The following RETREG1 variants were observed in gnomAD, a reference collection of about 807,000 sequenced individuals.
RETREG1 encodes family with sequence similarity 134 member B.
A neutral mutation model predicts 54.8 loss-of-function variants in RETREG1; 44 were observed. The observed-to-expected ratio is 0.80, with a 90% CI of 0.63 to 1.03. The LOEUF is 1.03. Ranked by LOEUF, RETREG1 falls within the 50% of genes least tolerant of loss-of-function variation. The pLI is 0.00. For synonymous variants in RETREG1, 217 were observed against 238.5 expected (o/e 0.91, Z 0.83); for missense variants, 554 against 605.1 (o/e 0.92, Z 0.89).
intron 1 of RETREG1, among the ~76,000 whole-genome samples, chr5:16,589,961 G>A (rs1336972149): frequency 6.6e-6 from 1 of 152,178 alleles, no homozygotes; most frequent in Non-Finnish European, 1.5e-5. Context: ...ATGGGTCAAA[G>A]TAAAAGAAGA....
intron 1 of RETREG1, among the ~76,000 whole-genome samples, chr5:16,600,202 T>C (rs968861937): frequency 6.6e-6 from 1 of 152,204 alleles, no homozygotes; most frequent in African/African-American, 2.4e-5. Flanking sequence ...GGTTTCGCCA[T>C]GTTGGCCAGG....
At position 16,478,989 on chromosome 5, in the gene RETREG1, T is replaced by C; in HGVS notation, c.671-2A>G. ...ATGGACACAAAAATGCACACAGTAC[T>C]GAAAGAAGAAAGAGAGCAGAGGTAA... On this transcript the variant is annotated splice_acceptor_variant, in intron 5 of 8. Coordinates refer to ENST00000306320, the MANE Select transcript of RETREG1 (RefSeq NM_001034850.3). LOFTEE classifies it high-confidence loss of function. The C allele has an allele frequency of 6.2e-7, 1 of 1,611,522 alleles. No individual in the cohort carries two copies. Among genetic ancestry groups the C allele is most frequent in the East Asian group, 2.2e-5 (1 of 44,716 alleles).
intron 2 of RETREG1, among the ~76,000 whole-genome samples, chr5:16,571,644 G>A (rs1041549066): frequency 2.6e-5 from 4 of 151,928 alleles, no homozygotes; most frequent in Admixed American, 6.6e-5. Flanking sequence ...CTTCATTGAG[G>A]CAGAGAAAAT....
intron 1 of RETREG1, among the ~76,000 whole-genome samples, chr5:16,601,130 G>A (rs1453651896): frequency 6.6e-6 from 1 of 152,138 alleles, no homozygotes; most frequent in Non-Finnish European, 1.5e-5. Flanking sequence ...GACTCAGGAG[G>A]TGGAGGCCAG....
At chr5:16,501,959 CTTT>C (rs34047511) in intron 3 of RETREG1, among the ~76,000 whole-genome samples, 6 of 136,572 alleles carry the variant, frequency 4.4e-5, no homozygotes, top group Non-Finnish European at 4.8e-5. Context: ...ATTAAGTAAG[CTTT>C]TTTTTTTTTT....
intron 8 of RETREG1, among the ~76,000 whole-genome samples, chr5:16,476,498 A>G (rs1470813226): frequency 6.6e-6 from 1 of 152,162 alleles, no homozygotes; most frequent in East Asian, 1.9e-4. Context: ...TTTTAATTGT[A>G]CTTATTATAA....
At position 16,482,753 on chromosome 5, in the gene RETREG1, C is replaced by T. The variant is rs565309562; in HGVS notation, c.585+593G>A. ...GATCAGAATTAAAGCTGCCTTTATG[C>T]ATAAAATAATACAAGTATGTGCAGC... is the stretch of plus-strand genomic sequence containing the variant. On this transcript the variant is annotated intron_variant, in intron 4 of 8. Coordinates refer to ENST00000306320, the MANE Select transcript of RETREG1 (RefSeq NM_001034850.3). Among the ~76,000 whole-genome samples, 7 of 152,188 alleles carry T rather than the reference C, an allele frequency of 4.6e-5. 1 individual carries two copies. In the South Asian group the frequency reaches 1.4e-3, roughly 31 times the overall value.
At chr5:16,512,804 G>A (rs1218852524) in intron 3 of RETREG1, among the ~76,000 whole-genome samples, 2 of 152,130 alleles carry the variant, frequency 1.3e-5, no homozygotes, top group Non-Finnish European at 2.9e-5. Context: ...TCTCAGACTT[G>A]TTGGAGCCAA....
intron 1 of RETREG1, among the ~76,000 whole-genome samples, chr5:16,598,164 CA>C (rs1010766716): frequency 6.6e-6 from 1 of 152,186 alleles, no homozygotes; most frequent in African/African-American, 2.4e-5. Flanking sequence ...GGGCTTGGAA[CA>C]AATCCTTCCC....
intron 3 of RETREG1, among the ~76,000 whole-genome samples, chr5:16,543,830 C>T (rs529633179): frequency 4.6e-5 from 7 of 152,202 alleles, no homozygotes; most frequent in African/African-American, 7.2e-5. Flanking sequence ...CCATTCAAAT[C>T]GGCATAGTGG....
Position 16,473,856 on chromosome 5 carries a change from A to T in RETREG1, c.*885T>A, listed in dbSNP as rs1738409095. 1 of 152,182 alleles carries T rather than the reference A, an allele frequency of 6.6e-6. No homozygotes were observed. The highest frequency in any genetic ancestry group is 2.4e-5 in the African/African-American group (1 of 41,462). 9.4% of individuals were successfully genotyped at this position (152,182 alleles called of 1,614,324 possible). A position where few individuals can be genotyped will look rare whatever the true frequency, so the allele number is the denominator to read the frequency against. The stretch of plus-strand genomic sequence containing the variant: ...ATGATCACATCACTCATCAAGAACT[A>T]GTTTCACAATTTTAGGAGACTTTTT... On this transcript the variant is annotated 3_prime_UTR_variant, in exon 9 of 9. Transcript: ENST00000306320.
At chr5:16,477,035 C>T (rs1246609873) in intron 8 of RETREG1, among the ~76,000 whole-genome samples, 1 of 152,100 alleles carries the variant, frequency 6.6e-6, no homozygotes, top group African/African-American at 2.4e-5. Flanking sequence ...GAGGACTAGG[C>T]CTAAATGTGT....
At chr5:16,580,715 C>CAT (rs1313256350) in intron 1 of RETREG1, among the ~76,000 whole-genome samples, 1 of 152,142 alleles carries the variant, frequency 6.6e-6, no homozygotes, top group African/African-American at 2.4e-5. Context: ...CCCAGAAGAC[C>CAT]ATGAGGGCAG....
chr5:16,488,224 T>C (rs985998205), intron 3 of RETREG1, among the ~76,000 whole-genome samples: 4 of 152,198 alleles, frequency 2.6e-5, no homozygotes, highest in African/African-American at 9.7e-5. Context: ...GGAGCTGATA[T>C]ACCCAACCCA....
At chr5:16,592,111 C>T (rs536997612) in intron 1 of RETREG1, among the ~76,000 whole-genome samples, 5 of 152,278 alleles carry the variant, frequency 3.3e-5, no homozygotes, top group African/African-American at 9.6e-5. Context: ...TGCCCTCGGT[C>T]GAGCCAGTCT....
At chr5:16,564,453 T>C (rs1252656539) in intron 3 of RETREG1, among the ~76,000 whole-genome samples, 1 of 152,206 alleles carries the variant, frequency 6.6e-6, no homozygotes, top group African/African-American at 2.4e-5. Context: ...AAAACACATT[T>C]TAATCCATTC....
At chr5:16,475,313 CTT>C in intron 8 of RETREG1, 79 bp from the exon 9 acceptor site, 2 of 1,529,414 alleles carry the variant, frequency 1.3e-6, no homozygotes. Flanking sequence ...AGATATCTGA[CTT>C]TAATCTGAAC....
At chr5:16,563,406 C>T (rs1010851479) in intron 3 of RETREG1, among the ~76,000 whole-genome samples, 12 of 152,036 alleles carry the variant, frequency 7.9e-5, no homozygotes, top group Admixed American at 2.0e-4. Context: ...TACATGCATG[C>T]GCCACCATGC....
chr5:16,510,682 C>T (rs919707288), intron 3 of RETREG1, among the ~76,000 whole-genome samples: 8 of 151,618 alleles, frequency 5.3e-5, no homozygotes, highest in Non-Finnish European at 8.8e-5. Context: ...CCCAGCTACT[C>T]GGGAGGCTGA....
Sources: gnomAD v4.1 joint callset for allele counts (sites outside exome capture counted in the v4.1 genomes callset) on GRCh38, gnomAD v4.1.1 for gene constraint, MANE v1.5 for transcripts, NCBI Gene and HGNC (gene_info 2026-07-23, HGNC 2026-07-21) for gene names.